CA5B: variants seen among roughly 807,000 people sequenced by gnomAD.
CA5B encodes the protein carbonic anhydrase 5B, mitochondrial.
Under a neutral mutation model 23.1 loss-of-function variants are expected in CA5B, and 15 were observed. That is an observed-to-expected ratio of 0.65 (90% CI 0.43 to 1.00). The LOEUF (loss-of-function observed/expected upper bound fraction) is 1.00, where lower values mean the gene tolerates loss of function less well. Ranked by LOEUF, CA5B falls within the 50% of genes least tolerant of loss-of-function variation. The pLI, the probability that CA5B is intolerant of heterozygous loss-of-function variation, is 0.00. For missense variants in CA5B, 236 were observed against 252.2 expected (o/e 0.94, Z 0.43); for synonymous variants, 84 against 98.5 (o/e 0.85, Z 0.87).
intron 3 of CA5B, among the ~76,000 whole-genome samples, chrX:15,767,450 G>A (rs1304282538): frequency 9.3e-6 from 1 of 107,373 alleles, no homozygotes; most frequent in African/African-American, 3.4e-5. Context: ...TGTCCAGGCT[G>A]GAGTGCAGTG....
intron 1 of CA5B, among the ~76,000 whole-genome samples, chrX:15,744,077 C>T (rs1292074339): frequency 1.8e-5 from 2 of 112,075 alleles, no homozygotes; most frequent in African/African-American, 6.5e-5. Context: ...CTGGAGCCCT[C>T]CTGCCCCCTA....
At chrX:15,754,892 A>G (rs1931458037) in intron 2 of CA5B, among the ~76,000 whole-genome samples, 1 of 112,347 alleles carries the variant, frequency 8.9e-6, no homozygotes, top group Non-Finnish European at 1.9e-5. Flanking sequence ...CACTAACCCC[A>G]TGTGGGTATT....
At chrX:15,767,438 G>A (rs1347894724) in intron 3 of CA5B, among the ~76,000 whole-genome samples, 1 of 104,815 alleles carries the variant, frequency 9.5e-6, no homozygotes, top group Admixed American at 1.0e-4. Context: ...GTCTCGCTCT[G>A]TTGTCCAGGC....
intron 1 of CA5B, among the ~76,000 whole-genome samples, chrX:15,742,707 T>C (rs1931147708): frequency 8.9e-6 from 1 of 112,680 alleles, no homozygotes; most frequent in Admixed American, 9.4e-5. Context: ...TGTAAATTAC[T>C]GTATGTAAAT....
chrX:15,771,204 C>CAAAAAAAA (rs758945690), intron 3 of CA5B, among the ~76,000 whole-genome samples: 1 of 30,187 alleles, frequency 3.3e-5, no homozygotes. Context: ...CTCATCTCTA[C>CAAAAAAAA]AAAAAAAAAA....
intron 1 of CA5B, among the ~76,000 whole-genome samples, chrX:15,746,231 G>A (rs1931230849): frequency 9.2e-6 from 1 of 109,213 alleles, no homozygotes; most frequent in Non-Finnish European, 1.9e-5. Context: ...ATTTTTAGTA[G>A]AGATGGGGTT....
At chrX:15,750,387 GTT>G (rs1449879817) in intron 2 of CA5B, 1 of 306,165 alleles carries the variant, frequency 3.3e-6, no homozygotes, top group Non-Finnish European at 5.7e-6. Context: ...GAGAATAACT[GTT>G]TCTCTGTTGA....
chrX:15,772,458 A>G (rs1931838142), intron 3 of CA5B, 38 bp from the exon 4 acceptor site: 1 of 993,990 alleles, frequency 1.0e-6, no homozygotes, highest in East Asian at 3.1e-5. Context: ...CCACTGCACA[A>G]ATAACTCTTC....
intron 3 of CA5B, among the ~76,000 whole-genome samples, chrX:15,766,679 C>A (rs887647818): frequency 9.0e-6 from 1 of 111,730 alleles, no homozygotes; most frequent in African/African-American, 3.3e-5. Flanking sequence ...CATGTGCCAT[C>A]CTTTGGGAAA....
chrX:15,761,569 G>T (rs1931603650), intron 2 of CA5B, among the ~76,000 whole-genome samples: 2 of 112,438 alleles, frequency 1.8e-5, no homozygotes, highest in South Asian at 7.3e-4. Context: ...AGAACATTGG[G>T]TTCAGACCTC....
At chrX:15,752,541 C>T (rs923991257) in intron 2 of CA5B, among the ~76,000 whole-genome samples, 16 of 109,898 alleles carry the variant, frequency 1.5e-4, no homozygotes, top group Middle Eastern at 4.6e-3. Context: ...CTGGCTAACA[C>T]GGTGAAACCC....
At position 15,755,991 on chromosome X, in the gene CA5B, C is replaced by T. The variant is rs761156890; in HGVS notation, c.142+5826C>T. ...AGCCTTTGAAGTTCCTGGTATTGTA[C>T]ATTTATATAGTACATCTCAATTTAG... On this transcript the variant is annotated intron_variant, in intron 2 of 7. Transcript: ENST00000318636. Among the ~76,000 whole-genome samples the T allele has an allele frequency of 2.7e-5, 3 of 111,380 alleles. No homozygotes were observed. In the South Asian group the frequency reaches 1.1e-3, roughly 42 times the overall value.
chrX:15,763,376 G>A (rs1931642887), intron 2 of CA5B, among the ~76,000 whole-genome samples: 1 of 112,094 alleles, frequency 8.9e-6, no homozygotes, highest in Non-Finnish European at 1.9e-5. Flanking sequence ...TTGGGGGTTG[G>A]GAAATTCTCG....
chrX:15,751,539 C>CTT (rs397895591), intron 2 of CA5B, among the ~76,000 whole-genome samples: 1 of 97,798 alleles, frequency 1.0e-5, no homozygotes, highest in Admixed American at 1.1e-4. Flanking sequence ...AATAGTTTTG[C>CTT]TTTTTTTTTT....
intron 1 of CA5B, among the ~76,000 whole-genome samples, 198 bp downstream of exon 1, chrX:15,738,550 C>T (rs1931056314): frequency 9.0e-6 from 1 of 110,925 alleles, no homozygotes; most frequent in South Asian, 3.8e-4. Flanking sequence ...TGTCGAACTC[C>T]CCCACCCCAG....
rs1390683771 is a variant in CA5B, at chrX:15,785,303, TGTG to T, written c.*2642_*2644del. On this transcript the variant is annotated 3_prime_UTR_variant, in exon 8 of 8. Coordinates refer to ENST00000318636, the MANE Select transcript of CA5B (RefSeq NM_007220.4). ...TCAACAGATGAATAGATAAAGGAAA[TGTG>T]GTATATACAGTCAATGGAATATTAT... 3 of 112,027 alleles carry T rather than the reference TGTG, an allele frequency of 2.7e-5. No homozygotes were observed. The highest frequency in any genetic ancestry group is 9.7e-5 in the African/African-American group (3 of 30,804). 9.2% of individuals were successfully genotyped at this position (112,027 alleles called of 1,213,427 possible). A position where few individuals can be genotyped will look rare whatever the true frequency, so the allele number is the denominator to read the frequency against.
intron 2 of CA5B, among the ~76,000 whole-genome samples, chrX:15,751,972 A>G (rs999838294): frequency 1.8e-5 from 2 of 111,453 alleles, no homozygotes; most frequent in Admixed American, 1.9e-4. Flanking sequence ...TTGAAAAGAT[A>G]ACGTGTTAAT....
rs1178858141 is a variant in CA5B, at chrX:15,785,845, CCTAG to C, written c.*3184_*3187del. On this transcript the variant is annotated 3_prime_UTR_variant, in exon 8 of 8. Coordinates refer to ENST00000318636, the MANE Select transcript of CA5B (RefSeq NM_007220.4). ...TTTTCCAAAGCATACAGGCTTTCCT[CCTAG>C]CTGTCTTGTTTTTTATTTTTTTTTA... The C allele has an allele frequency of 9.6e-6, 1 of 104,275 alleles. No homozygotes were observed. Among genetic ancestry groups the C allele is most frequent in the Non-Finnish European group, 2.0e-5 (1 of 50,584 alleles). The allele number at this position is 104,275 out of a possible 1,213,427, so 8.6% of individuals were successfully genotyped here.
intron 3 of CA5B, among the ~76,000 whole-genome samples, chrX:15,769,039 T>G (rs973188671): frequency 3.6e-5 from 4 of 111,274 alleles, no homozygotes; most frequent in African/African-American, 9.8e-5. Context: ...CAAGTCAGTA[T>G]CTCAGCTTTC....
Sources: allele counts gnomAD v4.1 joint callset (sites outside exome capture counted in the v4.1 genomes callset), GRCh38; gene constraint gnomAD v4.1.1; transcripts MANE v1.5; gene names NCBI Gene and HGNC (gene_info 2026-07-23, HGNC 2026-07-21).